The following ZBTB40 variants were observed in gnomAD, a reference collection of about 807,000 sequenced individuals.
The protein encoded by ZBTB40 is zinc finger and BTB domain containing 40.
A neutral mutation model predicts 117.5 loss-of-function variants in ZBTB40; 60 were observed. That is an observed-to-expected ratio of 0.51 (90% CI 0.41 to 0.63). The LOEUF is 0.63. Among genes scored for constraint, ZBTB40 ranks in the 30% least tolerant of loss-of-function variants. The probability of loss-of-function intolerance (pLI) is 0.00; values close to 1 mark genes in which losing one functional copy is unlikely to be tolerated. For synonymous variants in ZBTB40, 525 were observed against 577.1 expected (o/e 0.91, Z 1.29); for missense variants, 1,287 against 1,498.5 (o/e 0.86, Z 2.33).
intron 5 of ZBTB40, among the ~76,000 whole-genome samples, chr1:22,503,446 G>A (rs1247464383): frequency 6.6e-6 from 1 of 151,972 alleles, no homozygotes; most frequent in African/African-American, 2.4e-5. Flanking sequence ...TAGGGATAGA[G>A]TACTTTTGTG....
At chr1:22,478,317 G>C (rs1437588022) in intron 1 of ZBTB40, among the ~76,000 whole-genome samples, 1 of 151,940 alleles carries the variant, frequency 6.6e-6, no homozygotes, top group African/African-American at 2.4e-5. Flanking sequence ...GTGCCATCTT[G>C]GTTCACTGCA....
In ZBTB40 at chr1:22,511,796, A is replaced by T; in HGVS notation, c.2123A>T (p.Gln708Leu). The change falls in exon 11 of 18, where the codon CAG becomes CTG. Residue 708 changes from glutamine to leucine, a missense_variant. Coordinates refer to ENST00000375647, the MANE Select transcript of ZBTB40 (RefSeq NM_014870.4). ...AAAGAAGACAGCCAGCCTGGGGAAC[A>T]GAATGATCAAGGAGAGACTGGTTCC... is the stretch of plus-strand genomic sequence containing the variant. The part of the protein sequence containing the change: ...AAKEDSQPGE[Q>L]NDQGETGSLP... The T allele has an allele frequency of 6.2e-7, 1 of 1,613,352 alleles. No individual in the cohort carries two copies. The highest frequency in any genetic ancestry group is 8.5e-7 in the Non-Finnish European group (1 of 1,179,788).
intron 3 of ZBTB40, among the ~76,000 whole-genome samples, chr1:22,493,469 G>A (rs1219444551): frequency 1.3e-5 from 2 of 152,168 alleles, no homozygotes; most frequent in Non-Finnish European, 2.9e-5. Flanking sequence ...CTTTGTTTCA[G>A]ACAGCCTTGT....
chr1:22,506,367 A>G lies in ZBTB40; in HGVS notation c.1360+126A>G, dbSNP rs978402921. ...TAAGAAATGTCATTGCAGAATAGAA[A>G]CTAGCCGTCATAAATCGATAATTCT... is the stretch of plus-strand genomic sequence containing the variant. On this transcript the variant is annotated intron_variant, in intron 6 of 17. Coordinates refer to ENST00000375647, the MANE Select transcript of ZBTB40 (RefSeq NM_014870.4). 9 of 968,040 alleles carry G rather than the reference A, an allele frequency of 9.3e-6. No individual in the cohort carries two copies. In the African/African-American group the frequency reaches 1.5e-4, roughly 16 times the overall value. The allele number at this position is 968,040 out of a possible 1,614,324, so 60.0% of individuals were successfully genotyped here.
chr1:22,498,484 A>G (rs1015849731), intron 3 of ZBTB40, among the ~76,000 whole-genome samples: 1 of 152,232 alleles, frequency 6.6e-6, no homozygotes, highest in African/African-American at 2.4e-5. Context: ...TCTGAAAGAA[A>G]GAGCAGAGAG....
chr1:22,502,308 A>C lies in ZBTB40; in HGVS notation c.1034A>C (p.Glu345Ala), dbSNP rs1196499164. ...ACTCTTTCTCCCCCAGGGAGCACAG[A>C]GGAGGGAAAGACCTTGTCTGTTCTG... ...VDTVQPKGSTEEGKTLSVLLL... is the reference protein window; with the variant it reads ...VDTVQPKGSTAEGKTLSVLLL... The change falls in exon 5 of 18, where the codon GAG becomes GCG. Residue 345 changes from glutamate (E) to alanine (A), a missense_variant. Glu to Ala is a moderately radical substitution (Grantham distance 107). Coordinates refer to ENST00000375647, the MANE Select transcript of ZBTB40 (RefSeq NM_014870.4). 7 of 1,613,582 alleles carry C rather than the reference A, an allele frequency of 4.3e-6. No individual in the cohort carries two copies. Among genetic ancestry groups the C allele is most frequent in the Non-Finnish European group, 1.7e-6 (2 of 1,179,746 alleles).
At chr1:22,491,791 C>G (rs932627325) in intron 3 of ZBTB40, among the ~76,000 whole-genome samples, 1 of 152,244 alleles carries the variant, frequency 6.6e-6, no homozygotes. Flanking sequence ...CTTAACTGAT[C>G]ATACCATTTA....
intron 1 of ZBTB40, among the ~76,000 whole-genome samples, chr1:22,480,597 G>A (rs1638271463): frequency 6.6e-6 from 1 of 150,858 alleles, no homozygotes; most frequent in South Asian, 2.2e-4. Flanking sequence ...TGATCTGCCC[G>A]CCTCGGCCTC....
chr1:22,511,103 T>A, intron 9 of ZBTB40, 76 bp from the exon 10 acceptor site: 1 of 1,569,154 alleles, frequency 6.4e-7, no homozygotes, highest in Non-Finnish European at 8.7e-7. Context: ...CTTTTTTTTT[T>A]TTTTTTTAGG....
At chr1:22,447,008 C>G (rs1473116118), upstream of ZBTB40, among the ~76,000 whole-genome samples, 2 of 151,568 alleles carry the variant, frequency 1.3e-5, no homozygotes, top group African/African-American at 4.9e-5. Context: ...GGAGATGAGG[C>G]AGCAGGATGA....
chr1:22,484,978 C>G (rs1158130607), intron 1 of ZBTB40, among the ~76,000 whole-genome samples: 2 of 152,206 alleles, frequency 1.3e-5, no homozygotes, highest in Non-Finnish European at 2.9e-5. Context: ...ACCAGCCTTG[C>G]ATACCTGTGA....
intron 1 of ZBTB40, among the ~76,000 whole-genome samples, chr1:22,476,121 C>T (rs1053224377): frequency 1.1e-4 from 16 of 152,274 alleles, no homozygotes; most frequent in African/African-American, 3.6e-4. Flanking sequence ...TATTTTCCTC[C>T]CTATTCATTA....
At chr1:22,487,986 A>G (rs1269295626) in intron 1 of ZBTB40, among the ~76,000 whole-genome samples, 1 of 152,078 alleles carries the variant, frequency 6.6e-6, no homozygotes, top group African/African-American at 2.4e-5. Context: ...ATGTTTTCTT[A>G]TCTGCATGCC....
intron 8 of ZBTB40, 147 bp from the exon 9 acceptor site, chr1:22,508,953 T>C (rs1639153211): frequency 8.1e-7 from 1 of 1,235,006 alleles, no homozygotes; most frequent in African/African-American, 1.5e-5. Context: ...CTGATTACAG[T>C]GCTATTTGCC....
Position 22,529,511 on chromosome 1 carries a change from G to A in ZBTB40, c.*3115G>A, listed in dbSNP as rs1183374377. ...GGACTTGCCCATCATAGGTAAGTGA[G>A]ACAGCAAATAGATGATTCAAGAGCA... is the stretch of plus-strand genomic sequence containing the variant. On this transcript the variant is annotated 3_prime_UTR_variant, in exon 18 of 18. Coordinates refer to ENST00000375647, the MANE Select transcript of ZBTB40 (RefSeq NM_014870.4). The A allele has an allele frequency of 6.6e-6, 1 of 152,356 alleles. No homozygotes were observed. The highest frequency in any genetic ancestry group is 1.5e-5 in the Non-Finnish European group (1 of 68,072). 9.4% of individuals were successfully genotyped at this position (152,356 alleles called of 1,614,324 possible). A position where few individuals can be genotyped will look rare whatever the true frequency, so the allele number is the denominator to read the frequency against.
At chr1:22,463,200 C>T (rs1447259005) in intron 1 of ZBTB40, among the ~76,000 whole-genome samples, 1 of 152,148 alleles carries the variant, frequency 6.6e-6, no homozygotes, top group African/African-American at 2.4e-5. Flanking sequence ...GATTCATGCT[C>T]CTGGTTCTCT....
intron 1 of ZBTB40, among the ~76,000 whole-genome samples, chr1:22,477,118 G>A (rs542215663): frequency 5.6e-4 from 85 of 152,248 alleles, no homozygotes; most frequent in African/African-American, 1.9e-3. Flanking sequence ...CAAATCACTA[G>A]TGTATCCCTC....
intron 1 of ZBTB40, among the ~76,000 whole-genome samples, chr1:22,475,092 T>C (rs1163292587): frequency 6.6e-6 from 1 of 152,178 alleles, no homozygotes; most frequent in Non-Finnish European, 1.5e-5. Flanking sequence ...ATGACTTTTC[T>C]CTCTTGGATA....
At chr1:22,505,983 A>G in intron 5 of ZBTB40, 66 bp from the exon 6 acceptor site, 1 of 1,561,256 alleles carries the variant, frequency 6.4e-7, no homozygotes, top group Non-Finnish European at 8.8e-7. Context: ...TAGGTTTTCC[A>G]GTAGTGTGTC....
Sources: allele counts gnomAD v4.1 joint callset (sites outside exome capture counted in the v4.1 genomes callset), GRCh38; gene constraint gnomAD v4.1.1; transcripts MANE v1.5; gene names NCBI Gene and HGNC (gene_info 2026-07-23, HGNC 2026-07-21).